Variants in SMIM9 observed in about 807,000 individuals in gnomAD.
SMIM9 encodes the protein small integral membrane protein 9, also known as chromosome X open reading frame 68.
SMIM9 carries 8 observed loss-of-function variants against 7.2 expected under a neutral mutation model. The observed-to-expected ratio is 1.10, with a 90% CI of 0.65 to 1.99. The LOEUF is 1.99. Among genes scored for constraint, SMIM9 ranks in the 30% most tolerant of loss-of-function variants. SMIM9 has a pLI of 0.00. For synonymous variants in SMIM9, 19 were observed against 26.4 expected (o/e 0.72, Z 0.86); for missense variants, 76 against 69.3 (o/e 1.10, Z -0.34).
chrX:154,828,056 C>T (rs782589834), intron 4 of SMIM9, among the ~76,000 whole-genome samples: 2 of 111,746 alleles, frequency 1.8e-5, no homozygotes, highest in South Asian at 7.5e-4. Flanking sequence ...TTCTCCCTTC[C>T]ACCCCCTATC....
chrX:154,829,722 G>A (rs1184647656), intron 3 of SMIM9, 58 bp from the exon 4 acceptor site: 13 of 1,105,071 alleles, frequency 1.2e-5, no homozygotes, highest in East Asian at 6.6e-5. Context: ...TAGGGCTGGC[G>A]TTTGAATCCA....
intron 4 of SMIM9, among the ~76,000 whole-genome samples, chrX:154,828,791 C>T (rs1463899808): frequency 9.0e-6 from 1 of 111,609 alleles, no homozygotes; most frequent in Non-Finnish European, 1.9e-5. Flanking sequence ...ATAGGTGATG[C>T]CACACCCTTA....
intron 4 of SMIM9, among the ~76,000 whole-genome samples, chrX:154,828,546 C>T (rs782014373): frequency 9.0e-6 from 1 of 111,442 alleles, no homozygotes; most frequent in African/African-American, 3.3e-5. Flanking sequence ...AATGTTGGGA[C>T]CTTCGAAGCT....
intron 4 of SMIM9, chrX:154,827,412 G>T (rs1309576331): frequency 8.9e-6 from 1 of 112,292 alleles, no homozygotes; most frequent in African/African-American, 3.2e-5. Flanking sequence ...TGTAAGTTAA[G>T]TTCTCCTCCA....
chrX:154,832,097 A>G (rs1361608990), intron 2 of SMIM9, among the ~76,000 whole-genome samples: 1 of 111,502 alleles, frequency 9.0e-6, no homozygotes, highest in Non-Finnish European at 1.9e-5. Flanking sequence ...CAGGTGCTCA[A>G]TAAATATTTT....
rs1286658032 is a variant in SMIM9, at chrX:154,823,393, A to G, written c.*362T>C. The G allele has an allele frequency of 6.8e-5, 10 of 146,497 alleles. No individual in the cohort carries two copies. Among genetic ancestry groups the G allele is most frequent in the Admixed American group, 4.2e-4 (5 of 12,033 alleles). 12.1% of individuals were successfully genotyped at this position (146,497 alleles called of 1,213,427 possible). On this transcript the variant is annotated 3_prime_UTR_variant, in exon 5 of 5. Transcript: ENST00000369529. ...TTAAAACAGAACTATTGTTTCACAG[A>G]ACAGACTTTGGAAAACTTGTAATAC... is the stretch of plus-strand genomic sequence containing the variant.
chrX:154,833,312 T>G (rs1020861599), intron 1 of SMIM9, among the ~76,000 whole-genome samples: 5 of 112,473 alleles, frequency 4.4e-5, no homozygotes, highest in African/African-American at 1.6e-4. Context: ...TACAAAGAAC[T>G]CTTACAAACT....
At position 154,829,648 on chromosome X, in the gene SMIM9, C is replaced by G; in HGVS notation, c.159G>C (p.Trp53Cys). The change falls in exon 4 of 5, where the codon TGG becomes TGC. Residue 53 changes from tryptophan (W) to cysteine (C), a missense_variant. Trp to Cys is a radical substitution (Grantham distance 215). Coordinates refer to ENST00000369529, the MANE Select transcript of SMIM9 (RefSeq NM_001162936.4). ...ATAAGTAATCCCTGAAGTTGTTCAG[C>G]CAGGACCTGTGATTACCTGCAGAAA... ...KPRSGGNHRSWLNNFRDYLWQ... is the reference protein window; with the variant it reads ...KPRSGGNHRSCLNNFRDYLWQ... 8.6e-7 allele frequency: 1 copy of G among 1,167,449 alleles called. No homozygotes were observed. Among genetic ancestry groups the G allele is most frequent in the Non-Finnish European group, 1.1e-6 (1 of 872,755 alleles).
chrX:154,826,374 C>T (rs1369084826), intron 4 of SMIM9, among the ~76,000 whole-genome samples: 1 of 110,769 alleles, frequency 9.0e-6, no homozygotes, highest in Admixed American at 9.6e-5. Flanking sequence ...TCATCTTCTT[C>T]TTTTGTTTTG....
intron 4 of SMIM9, among the ~76,000 whole-genome samples, chrX:154,825,008 C>T (rs2072414715): frequency 8.9e-6 from 1 of 112,126 alleles, no homozygotes; most frequent in South Asian, 3.7e-4. Context: ...TACTATGTGC[C>T]CAGTAGCAAG....
In SMIM9 at chrX:154,828,944, A is replaced by G. The variant is rs782542907; in HGVS notation, c.272+591T>C. Among the ~76,000 whole-genome samples the G allele has an allele frequency of 3.7e-4, 41 of 111,612 alleles. 1 individual carries two copies. The highest frequency in any genetic ancestry group is 1.2e-3 in the African/African-American group (38 of 30,706). On this transcript the variant is annotated intron_variant, in intron 4 of 4. Transcript: ENST00000369529. ...CATCTCTTTAACACCTTTGTTGATCACTTTCATAGGTCTCCCCACTTGGAC... is the reference window on the plus strand; with the variant it reads ...CATCTCTTTAACACCTTTGTTGATCGCTTTCATAGGTCTCCCCACTTGGAC...
In SMIM9 at chrX:154,830,846, T is replaced by A; in HGVS notation, c.11A>T (p.Gln4Leu). 1 of 1,166,668 alleles carries A rather than the reference T, an allele frequency of 8.6e-7. No homozygotes were observed. Among genetic ancestry groups the A allele is most frequent in the Non-Finnish European group, 1.1e-6 (1 of 872,370 alleles). Residue 4 changes from glutamine to leucine, a missense_variant, in exon 3 of 5, where the codon CAG (glutamine) becomes CTG (leucine). Physicochemically the swap from Gln to Leu is moderately radical, Grantham distance 113. Transcript: ENST00000369529. ...CAGAAATCCAATTATCAGCAGCTTCTGGGGTTCCATGGACTCCCGCCTTCA... is the reference window on the plus strand; with the variant it reads ...CAGAAATCCAATTATCAGCAGCTTCAGGGGTTCCATGGACTCCCGCCTTCA... MEP[Q>L]KLLIIGFLLC...
rs5986886 is a variant in SMIM9, at chrX:154,828,691, C to A, written c.272+844G>T. Reference sequence around the variant, plus strand: ...TAGCTGACTTCTAATCTATTTGTCTCCAATCAGTTCCATGTGCCAGTAACC... The same window carrying A: ...TAGCTGACTTCTAATCTATTTGTCTACAATCAGTTCCATGTGCCAGTAACC... On this transcript the variant is annotated intron_variant, in intron 4 of 4. Transcript: ENST00000369529. Among the ~76,000 whole-genome samples the A allele has an allele frequency of 9.3e-3, 1,037 of 111,914 alleles. 12 individuals carry two copies. Among genetic ancestry groups the A allele is most frequent in the African/African-American group, 0.032 (994 of 30,795 alleles).
In SMIM9 at chrX:154,830,907, T is replaced by G. The variant is rs1177770260; in HGVS notation, c.-51A>C. The G allele has an allele frequency of 9.8e-6, 11 of 1,119,565 alleles. No homozygotes were observed. The highest frequency in any genetic ancestry group is 1.3e-5 in the Non-Finnish European group (11 of 841,262). 92.3% of individuals were successfully genotyped at this position (1,119,565 alleles called of 1,213,427 possible). A position where few individuals can be genotyped will look rare whatever the true frequency, so the allele number is the denominator to read the frequency against. ...AAGAGCTGGTAATCCTAGCTCACTC[T>G]GCCAAGGAGAGATGTCTTTGTCCGT... On this transcript the variant is annotated 5_prime_UTR_variant, in exon 3 of 5. Transcript: ENST00000369529.
rs2072435598 is a variant in SMIM9, at chrX:154,829,551, T to C, written c.256A>G (p.Ile86Val). The change falls in exon 4 of 5, where the codon ATC becomes GTC. Residue 86 changes from isoleucine (I) to valine (V), a missense_variant. Coordinates refer to ENST00000369529, the MANE Select transcript of SMIM9 (RefSeq NM_001162936.4). ...AFLLTSALMG[I>V]LCCFTILVVD... is the part of the protein sequence containing the mutation. ...GAAGCTTACGTGAAGCAGCAGAGGA[T>C]CCCCATTAGTGCTGAGGTGAGAAGA... is the stretch of plus-strand genomic sequence containing the variant. 2 of 1,165,514 alleles carry C rather than the reference T, an allele frequency of 1.7e-6. No individual in the cohort carries two copies. Among genetic ancestry groups the C allele is most frequent in the Non-Finnish European group, 2.3e-6 (2 of 872,534 alleles).
At chrX:154,825,961 C>T (rs1216761966) in intron 4 of SMIM9, among the ~76,000 whole-genome samples, 2 of 107,778 alleles carry the variant, frequency 1.9e-5, no homozygotes, top group African/African-American at 6.8e-5. Context: ...AGGAGATATA[C>T]CTAATGCTAA....
rs2072404500 is a variant in SMIM9 at position 154,823,362 on chromosome X, CTT to C, written c.*391_*392del. On this transcript the variant is annotated 3_prime_UTR_variant, in exon 5 of 5. Coordinates refer to ENST00000369529, the MANE Select transcript of SMIM9 (RefSeq NM_001162936.4). Reference sequence around the variant, plus strand: ...CCACAGGGCCCTCACTGTTTTGTGACTTTTATTAAAACAGAACTATTGTTTCA... The same window carrying C: ...CCACAGGGCCCTCACTGTTTTGTGACTTATTAAAACAGAACTATTGTTTCA... 1 of 128,750 alleles carries C rather than the reference CTT, an allele frequency of 7.8e-6. No individual in the cohort carries two copies. Among genetic ancestry groups the C allele is most frequent in the Admixed American group, 8.6e-5 (1 of 11,642 alleles). The allele number at this position is 128,750 out of a possible 1,213,427, so 10.6% of individuals were successfully genotyped here. A position where few individuals can be genotyped will look rare whatever the true frequency, so the allele number is the denominator to read the frequency against.
chrX:154,826,555 C>A (rs1181428991), intron 4 of SMIM9, among the ~76,000 whole-genome samples: 1 of 112,138 alleles, frequency 8.9e-6, no homozygotes, highest in Admixed American at 9.4e-5. Flanking sequence ...CCATGCCCGA[C>A]CTTAGCTATT....
intron 4 of SMIM9, 105 bp downstream of exon 4, chrX:154,829,428 CTT>C: frequency 1.0e-6 from 1 of 963,847 alleles, no homozygotes; most frequent in Admixed American, 3.7e-5. Flanking sequence ...TTTCTTAAAA[CTT>C]TCCCTTAATT....
Sources: gnomAD v4.1 joint callset for allele counts (sites outside exome capture counted in the v4.1 genomes callset) on GRCh38, gnomAD v4.1.1 for gene constraint, MANE v1.5 for transcripts, NCBI Gene and HGNC (gene_info 2026-07-23, HGNC 2026-07-21) for gene names.